The following C12orf42 variants were observed in gnomAD, a reference collection of about 807,000 sequenced individuals.
The protein encoded by C12orf42 is uncharacterized protein C12orf42.
A neutral mutation model predicts 21.6 loss-of-function variants in C12orf42; 25 were observed. That is an observed-to-expected ratio of 1.16 (90% CI 0.84 to 1.62). The LOEUF is 1.62. Ranked by LOEUF, C12orf42 falls within the 40% of genes most tolerant of loss-of-function variation. The pLI, the probability that C12orf42 is intolerant of heterozygous loss-of-function variation, is 0.00. For missense variants in C12orf42, 483 were observed against 459.3 expected (o/e 1.05, Z -0.47); for synonymous variants, 174 against 175.0 (o/e 0.99, Z 0.05).
At chr12:103,467,731 A>C (rs1229840634) in intron 2 of C12orf42, among the ~76,000 whole-genome samples, 4 of 152,180 alleles carry the variant, frequency 2.6e-5, no homozygotes, top group African/African-American at 4.8e-5. Context: ...AGTAATTTAA[A>C]AGATTTGTTT....
chr12:103,434,589 G>A lies in C12orf42; in HGVS notation c.79-32914C>T, dbSNP rs536549198. On this transcript the variant is annotated intron_variant, in intron 2 of 5. Coordinates refer to ENST00000548883, the MANE Select transcript of C12orf42 (RefSeq NM_198521.5). Reference sequence around the variant, plus strand: ...CAGGGCGAGGCATTGCCTCACCTGGGAAGCACAAGGGGTCAGGGAGTTCCC... The same window carrying A: ...CAGGGCGAGGCATTGCCTCACCTGGAAAGCACAAGGGGTCAGGGAGTTCCC... 3.9e-5 allele frequency among the ~76,000 whole-genome samples: 6 copies of A among 152,326 alleles called. No individual in the cohort carries two copies. The East Asian group carries it at 9.7e-4, about 25-fold the overall frequency.
intron 4 of C12orf42, among the ~76,000 whole-genome samples, chr12:103,306,619 A>G (rs935031877): frequency 6.6e-6 from 1 of 152,120 alleles, no homozygotes; most frequent in African/African-American, 2.4e-5. Flanking sequence ...TGAATCCTCA[A>G]AAGAATCATA....
chr12:103,230,257 C>A, the C12orf42 span, among the ~76,000 whole-genome samples: 2 of 152,016 alleles, frequency 1.3e-5, no homozygotes, highest in East Asian at 3.9e-4. Context: ...GGTGGCTTGG[C>A]AGAGAAAACT....
At chr12:103,545,729 A>G in the C12orf42 span, among the ~76,000 whole-genome samples, 1 of 152,196 alleles carries the variant, frequency 6.6e-6, no homozygotes, top group Non-Finnish European at 1.5e-5. Flanking sequence ...GCTCTGGATG[A>G]TAATGTACCT....
At chr12:103,488,541 A>T (rs944051818) in intron 1 of C12orf42, among the ~76,000 whole-genome samples, 1 of 152,184 alleles carries the variant, frequency 6.6e-6, no homozygotes, top group Non-Finnish European at 1.5e-5. Context: ...TATCCTGAAG[A>T]GTGTTTTCCA....
At chr12:103,308,354 G>C (rs10860982) in intron 4 of C12orf42, among the ~76,000 whole-genome samples, 12,588 of 152,200 alleles carry the variant, frequency 0.083, 523 homozygotes, top group East Asian at 0.18. Context: ...TTGTTTCTCA[G>C]AGGTATAATT....
At chr12:103,481,374 T>C (rs1163208089) in intron 1 of C12orf42, among the ~76,000 whole-genome samples, 1 of 151,886 alleles carries the variant, frequency 6.6e-6, no homozygotes, top group Non-Finnish European at 1.5e-5. Context: ...ATGTATACCA[T>C]ACAGGAAAAG....
the C12orf42 span, among the ~76,000 whole-genome samples, chr12:103,546,842 C>A: frequency 6.6e-6 from 1 of 152,140 alleles, no homozygotes; most frequent in East Asian, 1.9e-4. Flanking sequence ...ATGAGAAGTA[C>A]CCTCCTTATG....
the C12orf42 span, among the ~76,000 whole-genome samples, chr12:103,123,524 C>G: frequency 6.6e-6 from 1 of 152,080 alleles, no homozygotes; most frequent in African/African-American, 2.4e-5. Context: ...ATTTGAGGAG[C>G]TTGGTGATAA....
At chr12:103,180,857 A>C in the C12orf42 span, among the ~76,000 whole-genome samples, 3 of 151,228 alleles carry the variant, frequency 2.0e-5, no homozygotes, top group Non-Finnish European at 4.4e-5. Flanking sequence ...CGAACTCCTG[A>C]CCTCAGGTGA....
the C12orf42 span, among the ~76,000 whole-genome samples, chr12:103,135,945 A>G: frequency 6.6e-6 from 1 of 152,198 alleles, no homozygotes; most frequent in Non-Finnish European, 1.5e-5. Context: ...ACCCACAGCT[A>G]ACATCATACT....
At chr12:103,451,195 A>G (rs1951916564) in intron 2 of C12orf42, among the ~76,000 whole-genome samples, 1 of 151,512 alleles carries the variant, frequency 6.6e-6, no homozygotes, top group South Asian at 2.1e-4. Flanking sequence ...AATATTTTCT[A>G]TTTTCTTTTT....
chr12:103,391,277 T>C (rs1237110711), intron 3 of C12orf42, among the ~76,000 whole-genome samples: 1 of 152,188 alleles, frequency 6.6e-6, no homozygotes, highest in Non-Finnish European at 1.5e-5. Flanking sequence ...TTCTCTGTTT[T>C]CGATTATTTA....
the C12orf42 span, among the ~76,000 whole-genome samples, chr12:103,506,904 AT>A: frequency 1.5e-4 from 7 of 47,026 alleles, no homozygotes; most frequent in East Asian, 2.7e-3. Flanking sequence ...ATATTTATAT[AT>A]TATATATATA....
At chr12:103,491,030 C>A (rs1484739589) in intron 1 of C12orf42, among the ~76,000 whole-genome samples, 1 of 152,078 alleles carries the variant, frequency 6.6e-6, no homozygotes, top group Non-Finnish European at 1.5e-5. Flanking sequence ...TTAGTCCAGT[C>A]TGGCAATCAT....
chr12:103,450,200 A>T lies in C12orf42; in HGVS notation c.78+28149T>A, dbSNP rs1312615334. Among the ~76,000 whole-genome samples, 4 of 152,082 alleles carry T rather than the reference A, an allele frequency of 2.6e-5. 1 individual carries two copies. Among genetic ancestry groups the T allele is most frequent in the African/African-American group, 9.7e-5 (4 of 41,408 alleles). ...CATGTTAATCTGCCCTTGCATCCCT[A>T]AGATAAACTTAACATGATAGATTTG... On this transcript the variant is annotated intron_variant, in intron 2 of 5. Coordinates refer to ENST00000548883, the MANE Select transcript of C12orf42 (RefSeq NM_198521.5).
the C12orf42 span, among the ~76,000 whole-genome samples, chr12:103,068,109 G>A: frequency 1.3e-5 from 2 of 152,206 alleles, no homozygotes; most frequent in Middle Eastern, 3.2e-3. Context: ...AGAGTGGGTA[G>A]TAGAAGAAGG....
At chr12:103,420,440 C>T (rs1361241026) in intron 2 of C12orf42, among the ~76,000 whole-genome samples, 1 of 152,196 alleles carries the variant, frequency 6.6e-6, no homozygotes, top group Non-Finnish European at 1.5e-5. Flanking sequence ...TTTTCTCCCT[C>T]TCCTTTTGTC....
the C12orf42 span, among the ~76,000 whole-genome samples, chr12:103,130,332 A>G: frequency 6.6e-6 from 1 of 150,648 alleles, no homozygotes; most frequent in Non-Finnish European, 1.5e-5. Flanking sequence ...TTCAGAGACC[A>G]TATTCTAAAA....
Sources: gnomAD v4.1 joint callset for allele counts (sites outside exome capture counted in the v4.1 genomes callset) on GRCh38, gnomAD v4.1.1 for gene constraint, MANE v1.5 for transcripts, NCBI Gene and HGNC (gene_info 2026-07-23, HGNC 2026-07-21) for gene names.